The following CRPPA variants were observed in gnomAD, a reference collection of about 807,000 sequenced individuals.
The protein encoded by CRPPA is CDP-L-ribitol pyrophosphorylase A, also known as D-ribitol-5-phosphate cytidylyltransferase.
CRPPA carries 43 observed loss-of-function variants against 52.0 expected under a neutral mutation model. The ratio of observed to expected loss-of-function variants is 0.83; its 90% CI spans 0.65 to 1.07. The LOEUF (loss-of-function observed/expected upper bound fraction) is 1.07, where lower values mean the gene tolerates loss of function less well. CRPPA is among the 50% of genes least tolerant of loss of function. The pLI is 0.00. For missense variants in CRPPA, 629 were observed against 551.7 expected (o/e 1.14, Z -1.40); for synonymous variants, 250 against 203.5 (o/e 1.23, Z -1.94).
chr7:16,382,328 C>A (rs572413771), intron 2 of CRPPA, among the ~76,000 whole-genome samples: 1 of 152,234 alleles, frequency 6.6e-6, no homozygotes, highest in Non-Finnish European at 1.5e-5. Flanking sequence ...CCCCCACTCT[C>A]TTCTGGCTTG....
At chr7:16,349,368 T>C (rs1313681058) in intron 3 of CRPPA, among the ~76,000 whole-genome samples, 1 of 152,140 alleles carries the variant, frequency 6.6e-6, no homozygotes, top group Non-Finnish European at 1.5e-5. Context: ...ATGTTTTACC[T>C]AATATGCAGA....
intron 9 of CRPPA, among the ~76,000 whole-genome samples, chr7:16,099,021 T>C (rs1466778022): frequency 2.6e-5 from 4 of 152,202 alleles, no homozygotes; most frequent in East Asian, 1.9e-4. Context: ...TTTTTTATTT[T>C]CTGTGTCTAG....
intron 4 of CRPPA, 64 bp downstream of exon 4, chr7:16,308,459 T>G: frequency 3.4e-6 from 3 of 872,152 alleles, no homozygotes; most frequent in Non-Finnish European, 5.7e-6. Flanking sequence ...TGGTTTTAAA[T>G]GTACACACAC....
At chr7:16,167,162 G>A (rs1021614769) in intron 9 of CRPPA, among the ~76,000 whole-genome samples, 4 of 151,986 alleles carry the variant, frequency 2.6e-5, no homozygotes, top group South Asian at 2.1e-4. Context: ...TCCTGATCTC[G>A]TGATCAGCCT....
Position 16,089,594 on chromosome 7 carries a change from T to C in CRPPA, c.*2101A>G, listed in dbSNP as rs985191495. ...ATATATGGGTATACATGCATGTATATACATATATATGGGTATACATACATG... is the reference window on the plus strand; with the variant it reads ...ATATATGGGTATACATGCATGTATACACATATATATGGGTATACATACATG... On this transcript the variant is annotated 3_prime_UTR_variant, in exon 10 of 10. Coordinates refer to ENST00000407010, the MANE Select transcript of CRPPA (RefSeq NM_001101426.4). 8 of 229,606 alleles carry C rather than the reference T, an allele frequency of 3.5e-5. No homozygotes were observed. The highest frequency in any genetic ancestry group is 8.2e-5 in the East Asian group (1 of 12,266). The allele number at this position is 229,606 out of a possible 1,614,324, so 14.2% of individuals were successfully genotyped here. A position where few individuals can be genotyped will look rare whatever the true frequency, so the allele number is the denominator to read the frequency against.
chr7:16,231,233 C>T (rs1170682836), intron 8 of CRPPA, among the ~76,000 whole-genome samples: 1 of 152,136 alleles, frequency 6.6e-6, no homozygotes, highest in African/African-American at 2.4e-5. Flanking sequence ...GTCTTCAATG[C>T]ATATTTTCTT....
intron 3 of CRPPA, among the ~76,000 whole-genome samples, chr7:16,326,912 A>AT (rs1249553630): frequency 2.6e-5 from 4 of 152,116 alleles, no homozygotes; most frequent in African/African-American, 7.2e-5. Context: ...CAAAAATGCT[A>AT]TTTGTATTTT....
chr7:16,403,761 T>A (rs911146996), intron 2 of CRPPA, among the ~76,000 whole-genome samples: 3 of 152,048 alleles, frequency 2.0e-5, no homozygotes, highest in African/African-American at 7.2e-5. Context: ...TTTAAGAAAA[T>A]CTAAAACAAA....
At position 16,112,638 on chromosome 7, in the gene CRPPA, C is replaced by T. The variant is rs575974816; in HGVS notation, c.1252-20839G>A. 5.9e-5 allele frequency among the ~76,000 whole-genome samples: 9 copies of T among 151,862 alleles called. No individual in the cohort carries two copies. The South Asian group carries it at 8.3e-4, about 14-fold the overall frequency. ...CTAAGACTCCTGGCTGTCAGAGAAACAAAAAAAGAGACATTGTACTATGTG... is the reference window on the plus strand; with the variant it reads ...CTAAGACTCCTGGCTGTCAGAGAAATAAAAAAAGAGACATTGTACTATGTG... On this transcript the variant is annotated intron_variant, in intron 9 of 9. Transcript: ENST00000407010.
At chr7:16,290,737 G>A (rs931996613) in intron 5 of CRPPA, among the ~76,000 whole-genome samples, 11 of 152,102 alleles carry the variant, frequency 7.2e-5, no homozygotes, top group Non-Finnish European at 1.5e-4. Flanking sequence ...GTGTCAAAAA[G>A]CATTTTATGG....
intron 8 of CRPPA, chr7:16,247,871 A>T (rs1157107208): frequency 6.6e-6 from 1 of 152,180 alleles, no homozygotes; most frequent in Non-Finnish European, 1.5e-5. Context: ...CTAAAGGGTT[A>T]TCTTTTCTCT....
rs1781841345 is a variant in CRPPA at position 16,091,701 on chromosome 7, T to C, written c.1350A>G (p.Ile450Met). The C allele has an allele frequency of 1.3e-6, 2 of 1,533,712 alleles. No individual in the cohort carries two copies. Among genetic ancestry groups the C allele is most frequent in the Non-Finnish European group, 1.8e-6 (2 of 1,132,958 alleles). Residue 450 changes from isoleucine (I) to methionine (M), a missense_variant, in exon 10 of 10, where the codon ATA (isoleucine) becomes ATG (methionine). Coordinates refer to ENST00000407010, the MANE Select transcript of CRPPA (RefSeq NM_001101426.4). ...AGGTAATTTTTTGTGTTCTTCATGC[T>C]ATCAGAAGCTGACCAATGAGTCCAG... ...RNSGLIGQLL[I>M]A
At chr7:16,290,591 A>T (rs1314682087) in intron 5 of CRPPA, among the ~76,000 whole-genome samples, 1 of 152,082 alleles carries the variant, frequency 6.6e-6, no homozygotes, top group Non-Finnish European at 1.5e-5. Context: ...GGACATCCAC[A>T]TGCAGAAGAA....
intron 5 of CRPPA, 41 bp downstream of exon 5, chr7:16,301,380 T>G: frequency 6.4e-7 from 1 of 1,562,920 alleles, no homozygotes; most frequent in South Asian, 1.1e-5. Flanking sequence ...TGGCTTACAT[T>G]TTTGAAACAC....
chr7:16,164,454 C>A (rs1355793943), intron 9 of CRPPA, among the ~76,000 whole-genome samples: 1 of 152,148 alleles, frequency 6.6e-6, no homozygotes, highest in Non-Finnish European at 1.5e-5. Context: ...TGAGTTAGAA[C>A]CTGCTCCTTT....
chr7:16,310,463 T>C (rs921534325), intron 3 of CRPPA, among the ~76,000 whole-genome samples: 1 of 152,130 alleles, frequency 6.6e-6, no homozygotes, highest in African/African-American at 2.4e-5. Flanking sequence ...AAGATTGTAA[T>C]GTGAAAGATC....
At chr7:16,326,815 G>T (rs535883119) in intron 3 of CRPPA, among the ~76,000 whole-genome samples, 1 of 152,034 alleles carries the variant, frequency 6.6e-6, no homozygotes, top group South Asian at 2.1e-4. Flanking sequence ...ATAGCAAAAA[G>T]GTACAACAAA....
chr7:16,335,387 G>T (rs1785655831), intron 3 of CRPPA, among the ~76,000 whole-genome samples: 1 of 152,012 alleles, frequency 6.6e-6, no homozygotes, highest in African/African-American at 2.4e-5. Flanking sequence ...GGAACTACAA[G>T]AAATACAGAT....
intron 1 of CRPPA, among the ~76,000 whole-genome samples, chr7:16,419,011 C>T (rs77759404): frequency 0.031 from 4,689 of 152,250 alleles, 108 homozygotes; most frequent in East Asian, 0.13. Context: ...CACAGAAATG[C>T]CTTCATATAT....
Sources: gnomAD v4.1 joint callset for allele counts (sites outside exome capture counted in the v4.1 genomes callset) on GRCh38, gnomAD v4.1.1 for gene constraint, MANE v1.5 for transcripts, NCBI Gene and HGNC (gene_info 2026-07-23, HGNC 2026-07-21) for gene names.